Variants in NOTCH2 observed in about 807,000 individuals in gnomAD.
The protein encoded by NOTCH2 is notch receptor 2.
In NOTCH2, 29 loss-of-function variants were observed where a neutral mutation model predicts 235.8. That is an observed-to-expected ratio of 0.12 (90% CI 0.09 to 0.17). NOTCH2 has a LOEUF of 0.17. NOTCH2 is among the 10% of genes least tolerant of loss of function. NOTCH2 has a pLI of 1.00. For missense variants in NOTCH2, 2,285 were observed against 3,150.2 expected (o/e 0.73, Z 6.57); for synonymous variants, 1,086 against 1,141.5 (o/e 0.95, Z 0.98).
chr1:119,968,175 A>G lies in NOTCH2; in HGVS notation c.1166T>C (p.Leu389Pro). 1.2e-6 allele frequency: 2 copies of G among 1,614,040 alleles called. No individual in the cohort carries two copies. Among genetic ancestry groups the G allele is most frequent in the South Asian group, 1.1e-5 (1 of 91,080 alleles). ...CCCATTTAGGGGGTTGGTGTCACAC[A>G]GTGCCCCCTTGTGGCAAGGATTGCT... ...CISNPCHKGA[L>P]CDTNPLNGQY... The change falls in exon 7 of 34, where the codon CTG becomes CCG. Residue 389 changes from leucine (L) to proline (P), a missense_variant. Leu to Pro is a moderately conservative substitution (Grantham distance 98). This residue lies in a region of NOTCH2 where 431 missense variants were observed against 757.8 expected (regional missense o/e 0.57). Coordinates refer to ENST00000256646, the MANE Select transcript of NOTCH2 (RefSeq NM_024408.4).
Position 119,920,223 on chromosome 1 carries a change from G to T in NOTCH2, c.5479+6C>A. ...CAGTGAAGAGGGGAAGAGGCCCGGT[G>T]CTGACCTGGGCCACGGACATTCACA... On this transcript the variant is annotated splice_donor_region_variant and intron_variant, in intron 30 of 33. Coordinates refer to ENST00000256646, the MANE Select transcript of NOTCH2 (RefSeq NM_024408.4). The T allele has an allele frequency of 6.2e-7, 1 of 1,613,892 alleles. No individual in the cohort carries two copies. The highest frequency in any genetic ancestry group is 2.2e-5 in the East Asian group (1 of 44,880).
intron 15 of NOTCH2, 145 bp from the exon 16 acceptor site, chr1:119,949,271 T>C (rs1166967677): frequency 1.2e-6 from 1 of 829,250 alleles, no homozygotes; most frequent in African/African-American, 1.7e-5. Context: ...CTTTCCAGCA[T>C]TGGCTCTGAT....
intron 21 of NOTCH2, 98 bp from the exon 22 acceptor site, chr1:119,935,702 C>A (rs1649825584): frequency 7.6e-7 from 1 of 1,308,758 alleles, no homozygotes; most frequent in East Asian, 2.3e-5. Flanking sequence ...TGACTGTCTC[C>A]CACCTCCTAA....
At chr1:119,975,591 A>G (rs1288548923) in intron 5 of NOTCH2, among the ~76,000 whole-genome samples, 1 of 150,192 alleles carries the variant, frequency 6.7e-6, no homozygotes, top group African/African-American at 2.5e-5. Context: ...GGTGGCAGTG[A>G]TCTGAGATCG....
chr1:120,010,991 T>C (rs1553206870), intron 2 of NOTCH2, among the ~76,000 whole-genome samples: 1 of 152,188 alleles, frequency 6.6e-6, no homozygotes, highest in Non-Finnish European at 1.5e-5. Context: ...CTTGAAAACA[T>C]GCTAAGTGAA....
At chr1:119,928,839 T>C (rs1649558732) in intron 23 of NOTCH2, 137 bp downstream of exon 23, 4 of 738,988 alleles carry the variant, frequency 5.4e-6, no homozygotes, top group Non-Finnish European at 9.4e-6. Flanking sequence ...AAAAACTGGC[T>C]TTAAAAAATT....
chr1:119,988,510 T>C (rs1493698), intron 4 of NOTCH2, among the ~76,000 whole-genome samples: 33,063 of 152,078 alleles, frequency 0.22, 4,999 homozygotes, highest in African/African-American at 0.42. Context: ...TTTCATATTA[T>C]TCATACAGAA....
chr1:119,966,573 T>C (rs1281696951), intron 8 of NOTCH2, 84 bp from the exon 9 acceptor site: 11 of 913,578 alleles, frequency 1.2e-5, no homozygotes, highest in African/African-American at 9.8e-5. Context: ...CAATGATAAC[T>C]ACATCCTTTG....
chr1:119,995,636 C>T (rs879988517), intron 4 of NOTCH2: 1 of 152,072 alleles, frequency 6.6e-6, no homozygotes, highest in East Asian at 1.9e-4. Flanking sequence ...GTTAAGAAAA[C>T]ACTTATTTAG....
intron 28 of NOTCH2, 26 bp from the exon 29 acceptor site, chr1:119,921,835 T>G: frequency 6.4e-7 from 1 of 1,566,506 alleles, no homozygotes; most frequent in Non-Finnish European, 8.8e-7. Context: ...AAAGAAAAAA[T>G]AAGAATGGCA....
chr1:119,972,273 A>C (rs1651394679), intron 5 of NOTCH2, among the ~76,000 whole-genome samples: 1 of 152,196 alleles, frequency 6.6e-6, no homozygotes, highest in Admixed American at 6.5e-5. Context: ...TTATAGTGCT[A>C]GCAGAAATGG....
chr1:119,918,561 A>AC lies in NOTCH2; in HGVS notation c.5782-9_5782-8insG, dbSNP rs775497048. ...TCGGTTGCGAATCAGAATCTAGAAG[A>AC]GGAGAAAGTACAGAAAAGAGAGTCA... On this transcript the variant is annotated splice_polypyrimidine_tract_variant and intron_variant, in intron 31 of 33. Transcript: ENST00000256646. The AC allele has an allele frequency of 6.2e-7, 1 of 1,614,040 alleles. No individual in the cohort carries two copies. Among genetic ancestry groups the AC allele is most frequent in the East Asian group, 2.2e-5 (1 of 44,878 alleles).
intron 1 of NOTCH2, among the ~76,000 whole-genome samples, chr1:120,048,402 G>A (rs1445499982): frequency 7.4e-6 from 1 of 134,872 alleles, no homozygotes; most frequent in Non-Finnish European, 1.5e-5. Flanking sequence ...ACTAAAGCAT[G>A]CAGTAAAGAA....
At chr1:119,924,525 A>T (rs1392056288) in intron 25 of NOTCH2, among the ~76,000 whole-genome samples, 1 of 152,194 alleles carries the variant, frequency 6.6e-6, no homozygotes, top group East Asian at 1.9e-4. Context: ...ACCAGATATT[A>T]CTTGTACAGG....
At position 119,923,654 on chromosome 1, in the gene NOTCH2, T is replaced by C. The variant is rs36124579; in HGVS notation, c.4842A>G (p.Gln1614=). The C allele has an allele frequency of 4.4e-5, 71 of 1,613,996 alleles. No individual in the cohort carries two copies. The highest frequency in any genetic ancestry group is 1.0e-5 in the Non-Finnish European group (12 of 1,180,008). ...ACACCTACCCAGCCACCTCCTGTTC[T>C]TGTTCACCAGGAAGGGATCTGCGTG... The part of the protein sequence containing the change: ...RMTRRSLPGE[Q]EQEVAGSKVF... Residue 1614 remains glutamine (Q), a synonymous_variant, in exon 26 of 34, where the codon CAA becomes CAG. Coordinates refer to ENST00000256646, the MANE Select transcript of NOTCH2 (RefSeq NM_024408.4).
Position 119,923,752 on chromosome 1 carries a change from C to T in NOTCH2, c.4744G>A (p.Asp1582Asn), listed in dbSNP as rs1039437832. Residue 1582 changes from aspartate (D) to asparagine (N), a missense_variant, in exon 26 of 34, where the codon GAC becomes AAC. This residue lies in a region of NOTCH2 where 1,173 missense variants were observed against 1,515.3 expected (regional missense o/e 0.77). Coordinates refer to ENST00000256646, the MANE Select transcript of NOTCH2 (RefSeq NM_024408.4). ...TACACCATGAGTTCCCCCTGGGAGT[C>T]CCGCTTAATGCGCAGGTTGGTGTGG... Reference protein sequence around the residue: ...LLHTNLRIKRDSQGELMVYPY... With the variant: ...LLHTNLRIKRNSQGELMVYPY... 8.7e-6 allele frequency: 14 copies of T among 1,614,062 alleles called. No individual in the cohort carries two copies. The highest frequency in any genetic ancestry group is 1.2e-5 in the Non-Finnish European group (14 of 1,180,038).
intron 11 of NOTCH2, among the ~76,000 whole-genome samples, chr1:119,962,820 T>C (rs1167858857): frequency 1.3e-5 from 2 of 152,214 alleles, no homozygotes; most frequent in Non-Finnish European, 2.9e-5. Context: ...ACCATAGTTG[T>C]GACCATAATC....
At chr1:120,067,287 A>G (rs1320522385) in intron 1 of NOTCH2, among the ~76,000 whole-genome samples, 2 of 146,146 alleles carry the variant, frequency 1.4e-5, no homozygotes, top group East Asian at 1.9e-4. Context: ...TCTAAAGAAC[A>G]CCTGTCTAAA....
At chr1:119,936,622 A>G (rs375883115) in intron 21 of NOTCH2, among the ~76,000 whole-genome samples, 3 of 152,314 alleles carry the variant, frequency 2.0e-5, no homozygotes, top group African/African-American at 7.2e-5. Flanking sequence ...AAAATACAGA[A>G]GCTATCGTTG....
Sources: allele counts gnomAD v4.1 joint callset (sites outside exome capture counted in the v4.1 genomes callset), GRCh38; gene constraint gnomAD v4.1.1; regional missense constraint gnomAD v4.1.1; transcripts MANE v1.5; gene names NCBI Gene and HGNC (gene_info 2026-07-23, HGNC 2026-07-21).